Variants in SLC43A1 observed in about 807,000 individuals in gnomAD.
The protein encoded by SLC43A1 is solute carrier family 43 member 1.
Under a neutral mutation model 59.5 loss-of-function variants are expected in SLC43A1, and 31 were observed. That is an observed-to-expected ratio of 0.52 (90% confidence interval 0.39 to 0.70). The LOEUF (loss-of-function observed/expected upper bound fraction) is 0.70. SLC43A1 is among the 30% of genes least tolerant of loss of function. SLC43A1 has a pLI of 0.00. For synonymous variants in SLC43A1, 259 were observed against 290.9 expected (o/e 0.89, Z 1.12); for missense variants, 598 against 717.8 (o/e 0.83, Z 1.91).
rs34199356 is a variant in SLC43A1 at position 57,494,849 on chromosome 11, CT to C, written c.693-679del. On this transcript the variant is annotated intron_variant, in intron 7 of 14. Transcript: ENST00000278426. ...AGGATGAAAACAGTATTTGTCATTACTTTTTTTTTTTTTTTGAGACGGAGTT... is the reference window on the plus strand; with the variant it reads ...AGGATGAAAACAGTATTTGTCATTACTTTTTTTTTTTTTTGAGACGGAGTT... 8.5e-3 allele frequency among the ~76,000 whole-genome samples: 1,214 copies of C among 142,864 alleles called. 10 individuals carry two copies. The highest frequency in any genetic ancestry group is 0.022 in the African/African-American group (873 of 39,320). 93.7% of individuals were successfully genotyped at this position (142,864 alleles called of 152,430 possible).
chr11:57,490,131 G>A (rs1319977681), intron 11 of SLC43A1, among the ~76,000 whole-genome samples: 1 of 152,130 alleles, frequency 6.6e-6, no homozygotes, highest in Non-Finnish European at 1.5e-5. Flanking sequence ...GGACTGTTTG[G>A]ATGAACACAA....
At position 57,514,157 on chromosome 11, in the gene SLC43A1, C is replaced by A; in HGVS notation, c.-13-33G>T. The A allele has an allele frequency of 6.5e-7, 1 of 1,529,040 alleles. No individual in the cohort carries two copies. The highest frequency in any genetic ancestry group is 8.7e-7 in the Non-Finnish European group (1 of 1,144,216). 94.7% of individuals were successfully genotyped at this position (1,529,040 alleles called of 1,614,324 possible). A position where few individuals can be genotyped will look rare whatever the true frequency, so the allele number is the denominator to read the frequency against. On this transcript the variant is annotated intron_variant, in intron 1 of 14. Coordinates refer to ENST00000278426, the MANE Select transcript of SLC43A1 (RefSeq NM_003627.6). The surrounding 1 kb of genome is among the most constrained non-coding windows in gnomAD (Gnocchi z 5.5). ...GAAACAGAGCGCTGGGTGAAGGGCC[C>A]CCCAGTGGCCCCAGGGAAGGGTCCT...
At position 57,515,632 on chromosome 11, in the gene SLC43A1, C is replaced by T. The variant is rs1465420378; in HGVS notation, c.-202G>A. The T allele has an allele frequency of 2.0e-5, 3 of 152,286 alleles. No individual in the cohort carries two copies. The highest frequency in any genetic ancestry group is 2.9e-5 in the Non-Finnish European group (2 of 68,090). 9.4% of individuals were successfully genotyped at this position (152,286 alleles called of 1,614,324 possible). A position where few individuals can be genotyped will look rare whatever the true frequency, so the allele number is the denominator to read the frequency against. On this transcript the variant is annotated 5_prime_UTR_variant, in exon 1 of 15. Transcript: ENST00000278426. The surrounding 1 kb of genome is among the most constrained non-coding windows in gnomAD (Gnocchi z 5.3). ...CCCGGTGGCCTCGCCTCCGCTGTCT[C>T]CTCGGAAGAAGCGGGGGAACTGGGA...
intron 2 of SLC43A1, among the ~76,000 whole-genome samples, chr11:57,509,098 G>A (rs969657009): frequency 1.7e-4 from 26 of 149,840 alleles, no homozygotes; most frequent in Admixed American, 1.2e-3. Context: ...CCTGGGTGAC[G>A]GAGACTCTGT....
chr11:57,486,804 G>A (rs1247182520), intron 14 of SLC43A1, among the ~76,000 whole-genome samples: 8 of 151,740 alleles, frequency 5.3e-5, no homozygotes, highest in South Asian at 2.1e-4. Context: ...ATGAGACTCC[G>A]TCTCAAAAAA....
intron 2 of SLC43A1, among the ~76,000 whole-genome samples, chr11:57,503,542 C>T (rs540426230): frequency 6.6e-6 from 1 of 151,994 alleles, no homozygotes; most frequent in East Asian, 1.9e-4. Context: ...AGGCTGGTCT[C>T]GAACTCCTGG....
intron 8 of SLC43A1, 83 bp from the exon 9 acceptor site, chr11:57,491,945 G>T: frequency 1.5e-6 from 2 of 1,333,186 alleles, no homozygotes; most frequent in Non-Finnish European, 2.1e-6. Context: ...TTCTTGGGGG[G>T]AGTGACACTA....
intron 8 of SLC43A1, among the ~76,000 whole-genome samples, chr11:57,492,217 A>T (rs949536944): frequency 7.4e-4 from 105 of 141,856 alleles, no homozygotes; most frequent in African/African-American, 2.0e-3. Flanking sequence ...ATATATATAT[A>T]TATTTATTTA....
chr11:57,507,259 G>A (rs1215228384), intron 2 of SLC43A1, among the ~76,000 whole-genome samples: 2 of 152,226 alleles, frequency 1.3e-5, no homozygotes, highest in Non-Finnish European at 2.9e-5. Flanking sequence ...CTTGAGGCCA[G>A]GGGTTCTAGA....
chr11:57,493,693 G>T (rs1398654519), intron 8 of SLC43A1, among the ~76,000 whole-genome samples: 1 of 152,174 alleles, frequency 6.6e-6, no homozygotes, highest in Non-Finnish European at 1.5e-5. Flanking sequence ...TAAGCTCAGA[G>T]GTTGCAAGGG....
intron 2 of SLC43A1, among the ~76,000 whole-genome samples, chr11:57,510,751 G>C (rs1394397676): frequency 1.3e-5 from 2 of 152,094 alleles, no homozygotes. Flanking sequence ...CCAGCACTTT[G>C]GGAGGCCGAG....
intron 5 of SLC43A1, among the ~76,000 whole-genome samples, chr11:57,498,435 TG>T (rs1944150628): frequency 1.3e-5 from 2 of 151,868 alleles, no homozygotes; most frequent in Non-Finnish European, 2.9e-5. Context: ...AGCGAGACTA[TG>T]TCCCCACCCC....
chr11:57,487,319 G>T (rs934557107), intron 13 of SLC43A1, 101 bp from the exon 14 acceptor site: 37 of 1,453,786 alleles, frequency 2.5e-5, no homozygotes, highest in Admixed American at 3.9e-5. Flanking sequence ...TGGCCAGGCA[G>T]GGTGGTGCTT....
At position 57,512,691 on chromosome 11, in the gene SLC43A1, T is replaced by G. The variant is rs567569865; in HGVS notation, c.154+1267A>C. Among the ~76,000 whole-genome samples the G allele has an allele frequency of 9.9e-5, 15 of 152,178 alleles. No individual in the cohort carries two copies. In the East Asian group the frequency reaches 1.2e-3, roughly 12 times the overall value. On this transcript the variant is annotated intron_variant, in intron 2 of 14. Coordinates refer to ENST00000278426, the MANE Select transcript of SLC43A1 (RefSeq NM_003627.6). ...CACTTGGTTCTTGCAGCCACTCTTA[T>G]GTGTATCATTTCATGTCAGGCCTCT...
At chr11:57,505,190 T>C (rs1944364956) in intron 2 of SLC43A1, among the ~76,000 whole-genome samples, 2 of 152,210 alleles carry the variant, frequency 1.3e-5, no homozygotes, top group African/African-American at 2.4e-5. Context: ...TCAGGTTTCA[T>C]AGTTATTCGT....
chr11:57,497,321 T>A (rs1435450076), intron 6 of SLC43A1, among the ~76,000 whole-genome samples: 1 of 152,212 alleles, frequency 6.6e-6, no homozygotes, highest in Non-Finnish European at 1.5e-5. Context: ...GGATCCAGCC[T>A]GGCATAAACT....
intron 8 of SLC43A1, among the ~76,000 whole-genome samples, chr11:57,492,562 ATAT>A (rs1943954683): frequency 8.5e-5 from 3 of 35,266 alleles, no homozygotes; most frequent in Non-Finnish European, 5.5e-5. Context: ...ATATATATAT[ATAT>A]ATATATATAA....
chr11:57,491,019 T>A (rs1483087055), intron 11 of SLC43A1, among the ~76,000 whole-genome samples: 1 of 152,220 alleles, frequency 6.6e-6, no homozygotes, highest in Non-Finnish European at 1.5e-5. Flanking sequence ...AAGTGCACAG[T>A]CAGCACTCTG....
intron 13 of SLC43A1, 24 bp from the exon 14 acceptor site, chr11:57,487,242 A>AG: frequency 6.2e-7 from 1 of 1,607,972 alleles, no homozygotes; most frequent in Non-Finnish European, 8.5e-7. Context: ...GGGGAGTATC[A>AG]GGGGTGTGTG....
Sources: allele counts gnomAD v4.1 joint callset (sites outside exome capture counted in the v4.1 genomes callset), GRCh38; gene constraint gnomAD v4.1.1; non-coding constraint Gnocchi (gnomAD v3.1); transcripts MANE v1.5; gene names NCBI Gene and HGNC (gene_info 2026-07-23, HGNC 2026-07-21).